SYNE1: variants seen among roughly 807,000 people sequenced by gnomAD.
The protein encoded by SYNE1 is nesprin-1.
A neutral mutation model predicts 1,111.0 loss-of-function variants in SYNE1; 616 were observed. That is an observed-to-expected ratio of 0.55 (90% confidence interval 0.52 to 0.59). SYNE1 has a LOEUF of 0.59. Ranked by LOEUF, SYNE1 falls within the 20% of genes least tolerant of loss-of-function variation. SYNE1 has a pLI of 0.00. For synonymous variants in SYNE1, 3,855 were observed against 3,825.8 expected, an observed-to-expected ratio of 1.01 and a Z score of -0.28; for missense variants, 10,006 against 10,417.0, an observed-to-expected ratio of 0.96 and a Z score of 1.72.
intron 3 of SYNE1, among the ~76,000 whole-genome samples, chr6:152,594,448 T>C (rs934110743): frequency 6.6e-6 from 1 of 152,206 alleles, no homozygotes; most frequent in Non-Finnish European, 1.5e-5. Context: ...TATCCAAAGA[T>C]GGACAGGGAA....
At chr6:152,406,010 A>G (rs2097893970) in intron 45 of SYNE1, among the ~76,000 whole-genome samples, 1 of 152,012 alleles carries the variant, frequency 6.6e-6, no homozygotes, top group African/African-American at 2.4e-5. Context: ...TGTAATATAA[A>G]TAATGCAAAT....
At chr6:152,614,918 TG>T (rs1214462221) in intron 3 of SYNE1, among the ~76,000 whole-genome samples, 1 of 151,904 alleles carries the variant, frequency 6.6e-6, no homozygotes, top group Non-Finnish European at 1.5e-5. Context: ...CACTCATAGG[TG>T]GGAACTGAAC....
At position 152,291,853 on chromosome 6, in the gene SYNE1, T is replaced by C. The variant is rs1589435956; in HGVS notation, c.18012+1735A>G. ...ATAATCTGAGTGAGTGACTCTCAAA[T>C]GCACTCTAATCCAGCCCTTGCATAA... On this transcript the variant is annotated intron_variant, in intron 95 of 145. Coordinates refer to ENST00000367255, the MANE Select transcript of SYNE1 (RefSeq NM_182961.4). Among the ~76,000 whole-genome samples, 3 of 152,342 alleles carry C rather than the reference T, an allele frequency of 2.0e-5. 1 individual carries two copies. In the South Asian group the frequency reaches 6.2e-4, roughly 32 times the overall value.
intron 10 of SYNE1, 100 bp from the exon 11 acceptor site, chr6:152,498,892 T>G: frequency 3.4e-6 from 2 of 593,934 alleles, no homozygotes; most frequent in Non-Finnish European, 5.4e-6. Flanking sequence ...CATCCGCCTT[T>G]AGAGAAATAG....
intron 128 of SYNE1, among the ~76,000 whole-genome samples, chr6:152,184,820 A>G (rs144883817): frequency 5.3e-5 from 8 of 152,300 alleles, no homozygotes; most frequent in Admixed American, 2.6e-4. Context: ...TTTTCAAAAG[A>G]TAAGGGCAAT....
At chr6:152,279,143 TTTTC>T (rs2093842553) in intron 97 of SYNE1, among the ~76,000 whole-genome samples, 1 of 130,730 alleles carries the variant, frequency 7.6e-6, no homozygotes, top group East Asian at 2.6e-4. Flanking sequence ...TTTTCTTTTC[TTTTC>T]TTTTTTTTTT....
intron 95 of SYNE1, among the ~76,000 whole-genome samples, chr6:152,286,755 C>T (rs1415079395): frequency 6.6e-6 from 1 of 152,178 alleles, no homozygotes; most frequent in Non-Finnish European, 1.5e-5. Flanking sequence ...CACTTTGAGG[C>T]ATGGTTTTCC....
intron 8 of SYNE1, among the ~76,000 whole-genome samples, chr6:152,507,953 T>C (rs1370618379): frequency 1.3e-5 from 2 of 152,224 alleles, no homozygotes; most frequent in African/African-American, 4.8e-5. Flanking sequence ...TACATCCTGA[T>C]AACTAGTCTA....
chr6:152,603,773 A>C (rs1451215820), intron 3 of SYNE1, among the ~76,000 whole-genome samples: 4 of 144,318 alleles, frequency 2.8e-5, no homozygotes, highest in African/African-American at 7.7e-5. Context: ...GGGTTATATA[A>C]ACTCATCTCT....
chr6:152,317,618 G>GT (rs1250964424), intron 86 of SYNE1, among the ~76,000 whole-genome samples: 4 of 152,130 alleles, frequency 2.6e-5, no homozygotes, highest in Non-Finnish European at 5.9e-5. Flanking sequence ...CCAACTCCTG[G>GT]TTTTAACTTG....
At position 152,269,198 on chromosome 6, in the gene SYNE1, G is replaced by A. The variant is rs150335599; in HGVS notation, c.18662C>T (p.Thr6221Ile). 140 of 1,614,026 alleles carry A rather than the reference G, an allele frequency of 8.7e-5. No individual in the cohort carries two copies. Among genetic ancestry groups the A allele is most frequent in the Admixed American group, 2.8e-4 (17 of 59,998 alleles). ...GVQEWLAQARTTWTQQRQSSL... is the reference protein window; with the variant it reads ...GVQEWLAQARITWTQQRQSSL... ...GCTCTGCCGCTGCTGGGTCCATGTG[G>A]TGCGAGCTTGGGCCAGCCATTCCTG... is the stretch of plus-strand genomic sequence containing the variant. Residue 6221 changes from threonine to isoleucine, a missense_variant, in exon 99 of 146, where the codon ACC becomes ATC. Around this residue, in one of 7 missense-constraint regions of SYNE1, gnomAD observed 2,182 missense variants for 2,287.8 expected, o/e 0.95. Transcript: ENST00000367255.
At chr6:152,391,645 T>C (rs2097641095) in intron 51 of SYNE1, 77 bp from the exon 52 acceptor site, 2 of 1,473,452 alleles carry the variant, frequency 1.4e-6, no homozygotes. Context: ...GACAAATGAT[T>C]GTTGATATTG....
At chr6:152,265,601 C>T (rs1033704553) in intron 100 of SYNE1, among the ~76,000 whole-genome samples, 9 of 152,006 alleles carry the variant, frequency 5.9e-5, no homozygotes, top group Non-Finnish European at 1.3e-4. Context: ...GTAATAAAAC[C>T]AGAGGAATAT....
intron 10 of SYNE1, among the ~76,000 whole-genome samples, 168 bp from the exon 11 acceptor site, chr6:152,498,960 A>G (rs913371120): frequency 4.6e-5 from 7 of 152,134 alleles, no homozygotes; most frequent in African/African-American, 1.2e-4. Context: ...TGAAACTACA[A>G]AAATATTCAA....
intron 116 of SYNE1, 35 bp from the exon 117 acceptor site, chr6:152,224,699 T>A (rs1238367081): frequency 7.5e-6 from 12 of 1,590,474 alleles, no homozygotes; most frequent in Non-Finnish European, 1.0e-5. Flanking sequence ...TATAATTTCA[T>A]AATATCTAGA....
chr6:152,262,147 C>T lies in SYNE1; in HGVS notation c.18857G>A (p.Gly6286Glu), dbSNP rs770916728. Reference sequence around the variant, plus strand: ...CTGGTCTTCAGCGGATGATTTCTCCCCTTCCATCCCCAACTCCTGGGATAA... The same window carrying T: ...CTGGTCTTCAGCGGATGATTTCTCCTCTTCCATCCCCAACTCCTGGGATAA... ...DVLSQELGME[G>E]EKSSAEDQMR... is the part of the protein sequence containing the mutation. Residue 6286 changes from glycine (G) to glutamate (E), a missense_variant, in exon 101 of 146, where the codon GGG becomes GAG. By Grantham distance (98) the Gly-to-Glu change is moderately conservative. Around this residue, in one of 7 missense-constraint regions of SYNE1, gnomAD observed 2,182 missense variants for 2,287.8 expected, o/e 0.95. Coordinates refer to ENST00000367255, the MANE Select transcript of SYNE1 (RefSeq NM_182961.4). The T allele has an allele frequency of 1.2e-6, 2 of 1,613,814 alleles. No individual in the cohort carries two copies. Among genetic ancestry groups the T allele is most frequent in the Admixed American group, 3.3e-5 (2 of 60,002 alleles).
chr6:152,225,612 ATGT>A, intron 116 of SYNE1, 106 bp downstream of exon 116: 2 of 1,298,508 alleles, frequency 1.5e-6, no homozygotes, highest in Non-Finnish European at 2.2e-6. Context: ...CAAGGAGATA[ATGT>A]ATAGATTTGA....
intron 27 of SYNE1, among the ~76,000 whole-genome samples, chr6:152,450,316 T>C (rs1478175421): frequency 6.6e-6 from 1 of 152,224 alleles, no homozygotes; most frequent in Non-Finnish European, 1.5e-5. Context: ...ATTAAACCTC[T>C]TTTCTTTATA....
Position 152,628,044 on chromosome 6 carries a change from C to CAAA in SYNE1, c.67+218_67+220dup, listed in dbSNP as rs66815986. Among the ~76,000 whole-genome samples the CAAA allele has an allele frequency of 6.8e-5, 7 of 103,350 alleles. 1 individual carries two copies. The highest frequency in any genetic ancestry group is 7.6e-5 in the African/African-American group (2 of 26,340). 67.8% of individuals were successfully genotyped at this position (103,350 alleles called of 152,430 possible). On this transcript the variant is annotated intron_variant, in intron 3 of 145. Coordinates refer to ENST00000367255, the MANE Select transcript of SYNE1 (RefSeq NM_182961.4). Reference sequence around the variant, plus strand: ...ACATGCTAATGCAGACACAAAATTACAAAAAAAAAAAAAAAAGCTGTATTT... The same window carrying CAAA: ...ACATGCTAATGCAGACACAAAATTACAAAAAAAAAAAAAAAAAAAGCTGTATTT...
Sources: gnomAD v4.1 joint callset for allele counts (sites outside exome capture counted in the v4.1 genomes callset) on GRCh38, gnomAD v4.1.1 for gene constraint, gnomAD v4.1.1 regional missense constraint, MANE v1.5 for transcripts, NCBI Gene and HGNC (gene_info 2026-07-23, HGNC 2026-07-21) for gene names.